KIRREL1: variants seen among roughly 807,000 people sequenced by gnomAD.
KIRREL1 encodes the protein kirre like nephrin family adhesion molecule 1.
A neutral mutation model predicts 83.3 loss-of-function variants in KIRREL1; 25 were observed. That is an observed-to-expected ratio of 0.30 (90% confidence interval 0.22 to 0.42). The LOEUF is 0.42. Ranked by LOEUF, KIRREL1 falls within the 10% of genes least tolerant of loss-of-function variation. KIRREL1 has a pLI of 1.00. For missense variants in KIRREL1, 812 were observed against 1,032.3 expected (o/e 0.79, Z 2.92); for synonymous variants, 388 against 410.4 (o/e 0.95, Z 0.66).
At chr1:158,053,895 C>T (rs1660972257) in intron 1 of KIRREL1, among the ~76,000 whole-genome samples, 2 of 152,122 alleles carry the variant, frequency 1.3e-5, no homozygotes, top group South Asian at 2.1e-4. Flanking sequence ...TTGCTGGAAC[C>T]ACAGGACAGA....
At position 158,096,169 on chromosome 1, in the gene KIRREL1, A is replaced by C. The variant is rs964236884; in HGVS notation, c.*1049A>C. ...ACCTATTCTTCTCCATGGGGTTCCT[A>C]ACACCCTCCATTACTCTTTCAGTCT... On this transcript the variant is annotated 3_prime_UTR_variant, in exon 15 of 15. Coordinates refer to ENST00000359209, the MANE Select transcript of KIRREL1 (RefSeq NM_018240.7). The C allele has an allele frequency of 1.6e-5, 3 of 187,914 alleles. No homozygotes were observed. Among genetic ancestry groups the C allele is most frequent in the Admixed American group, 5.4e-5 (1 of 18,420 alleles). The allele number at this position is 187,914 out of a possible 1,614,324, so 11.6% of individuals were successfully genotyped here.
At chr1:158,010,361 ACCCCACACAGTCCTGAGAATGT>A (rs1659642831) in intron 1 of KIRREL1, among the ~76,000 whole-genome samples, 2 of 51,560 alleles carry the variant, frequency 3.9e-5, no homozygotes, top group African/African-American at 9.6e-5. Context: ...ACACACACAC[ACCCCACACAGTCCTGAGAATGT>A]CACACACATG....
chr1:158,057,345 C>T (rs1661092805), intron 1 of KIRREL1, among the ~76,000 whole-genome samples: 3 of 152,316 alleles, frequency 2.0e-5, no homozygotes, highest in South Asian at 4.1e-4. Context: ...CTGCTCAGAG[C>T]CACTAACCCT....
intron 1 of KIRREL1, among the ~76,000 whole-genome samples, chr1:158,055,950 C>T (rs1661045864): frequency 6.6e-6 from 1 of 152,202 alleles, no homozygotes; most frequent in Admixed American, 6.5e-5. Flanking sequence ...GCATCTACCA[C>T]CTGAGGACTT....
chr1:158,092,544 T>C (rs1662232427), intron 11 of KIRREL1, among the ~76,000 whole-genome samples: 1 of 152,098 alleles, frequency 6.6e-6, no homozygotes, highest in African/African-American at 2.4e-5. Flanking sequence ...AGACGGGTTT[T>C]CACCGTGTTA....
intron 1 of KIRREL1, among the ~76,000 whole-genome samples, chr1:158,012,199 G>T (rs182309221): frequency 6.6e-6 from 1 of 152,174 alleles, no homozygotes; most frequent in African/African-American, 2.4e-5. Flanking sequence ...TTATTGGACT[G>T]CTTTCTCTTG....
intron 1 of KIRREL1, among the ~76,000 whole-genome samples, chr1:158,050,789 C>T (rs968070043): frequency 1.3e-5 from 2 of 152,112 alleles, no homozygotes; most frequent in Admixed American, 1.3e-4. Context: ...TCAGGTATTT[C>T]ATCTGTGAAA....
At chr1:158,044,097 T>A (rs1660712134) in intron 1 of KIRREL1, among the ~76,000 whole-genome samples, 1 of 152,232 alleles carries the variant, frequency 6.6e-6, no homozygotes, top group South Asian at 2.1e-4. Flanking sequence ...TACCAGGGAC[T>A]GTGCTGCATG....
chr1:158,004,580 C>T (rs1659463116), intron 1 of KIRREL1, among the ~76,000 whole-genome samples: 1 of 152,224 alleles, frequency 6.6e-6, no homozygotes, highest in South Asian at 2.1e-4. Context: ...ATAGCACCCA[C>T]TTTCCTCTTT....
At position 158,007,015 on chromosome 1, in the gene KIRREL1, G is replaced by T. The variant is rs140132489; in HGVS notation, c.52+13287G>T. Among the ~76,000 whole-genome samples, 494 of 152,304 alleles carry T rather than the reference G, an allele frequency of 3.2e-3. 6 individuals carry two copies. The highest frequency in any genetic ancestry group is 0.011 in the African/African-American group (468 of 41,574). On this transcript the variant is annotated intron_variant, in intron 1 of 14. Coordinates refer to ENST00000359209, the MANE Select transcript of KIRREL1 (RefSeq NM_018240.7). ...GAGGGGATGGGGTCTGTGGGATGGG[G>T]TGCCTGCCTTTGGGGATCTCCTAGT... is the stretch of plus-strand genomic sequence containing the variant.
intron 1 of KIRREL1, among the ~76,000 whole-genome samples, chr1:157,996,196 T>C (rs1319636250): frequency 6.6e-6 from 1 of 152,114 alleles, no homozygotes; most frequent in Non-Finnish European, 1.5e-5. Context: ...TTTTAAAGAA[T>C]TTCAATGGGC....
chr1:158,071,351 A>G (rs912575), intron 1 of KIRREL1, among the ~76,000 whole-genome samples: 135,753 of 152,184 alleles, frequency 0.89, 61,430 homozygotes, highest in Non-Finnish European at 0.96. Context: ...GGTACGTGTG[A>G]GTGCGTGTGA....
chr1:158,087,929 T>A, intron 6 of KIRREL1, 69 bp downstream of exon 6: 1 of 1,608,078 alleles, frequency 6.2e-7, no homozygotes, highest in Non-Finnish European at 8.5e-7. Context: ...GAGGCTGTAC[T>A]GGGGAGGCCA....
chr1:158,058,839 C>G lies in KIRREL1; in HGVS notation c.53-17274C>G, dbSNP rs1378978308. ...CTGAGCTGGGGGTCCAAACCCAGCT[C>G]ATCCATCACCCATCCTGATAATCAG... On this transcript the variant is annotated intron_variant, in intron 1 of 14. Coordinates refer to ENST00000359209, the MANE Select transcript of KIRREL1 (RefSeq NM_018240.7). Among the ~76,000 whole-genome samples, 6 of 152,282 alleles carry G rather than the reference C, an allele frequency of 3.9e-5. No individual in the cohort carries two copies. The East Asian group carries it at 1.2e-3, about 29-fold the overall frequency.
At position 158,013,325 on chromosome 1, in the gene KIRREL1, G is replaced by A. The variant is rs564653435; in HGVS notation, c.52+19597G>A. ...GGCAGGTGGCAAAGAGAGTCACCTG[G>A]GCAGTCCACTAAGCAGAGTGGACGG... On this transcript the variant is annotated intron_variant, in intron 1 of 14. Transcript: ENST00000359209. Among the ~76,000 whole-genome samples the A allele has an allele frequency of 5.9e-5, 9 of 152,204 alleles. No individual in the cohort carries two copies. The East Asian group carries it at 1.7e-3, about 29-fold the overall frequency.
intron 1 of KIRREL1, among the ~76,000 whole-genome samples, chr1:158,059,532 C>T (rs1028526483): frequency 6.6e-6 from 1 of 152,156 alleles, no homozygotes; most frequent in African/African-American, 2.4e-5. Context: ...TGAATTCTAA[C>T]TGAGGGCCCT....
chr1:158,009,613 T>C (rs1659613073), intron 1 of KIRREL1, among the ~76,000 whole-genome samples: 2 of 152,204 alleles, frequency 1.3e-5, no homozygotes, highest in Non-Finnish European at 2.9e-5. Flanking sequence ...GGCACACAAT[T>C]TCTACCTTGT....
intron 1 of KIRREL1, among the ~76,000 whole-genome samples, chr1:158,017,553 C>T (rs892101213): frequency 6.6e-6 from 1 of 151,842 alleles, no homozygotes; most frequent in Non-Finnish European, 1.5e-5. Context: ...ATTAGCTAGG[C>T]ATGGTGGTGG....
chr1:158,023,852 CGA>C (rs1469752699), intron 1 of KIRREL1, among the ~76,000 whole-genome samples: 1 of 152,114 alleles, frequency 6.6e-6, no homozygotes, highest in Admixed American at 6.5e-5. Flanking sequence ...TATTGTGCTG[CGA>C]AAGGTGTCCT....
Sources: gnomAD v4.1 joint callset for allele counts (sites outside exome capture counted in the v4.1 genomes callset) on GRCh38, gnomAD v4.1.1 for gene constraint, MANE v1.5 for transcripts, NCBI Gene and HGNC (gene_info 2026-07-23, HGNC 2026-07-21) for gene names.